ARPP21: variants seen among roughly 807,000 people sequenced by gnomAD.
ARPP21 encodes cAMP-regulated phosphoprotein 21.
In ARPP21, 69 loss-of-function variants were observed where a neutral mutation model predicts 113.2. The ratio of observed to expected loss-of-function variants is 0.61; its 90% CI spans 0.50 to 0.74. The LOEUF (loss-of-function observed/expected upper bound fraction) is 0.74. Ranked by LOEUF, ARPP21 falls within the 30% of genes least tolerant of loss-of-function variation. The pLI is 0.00. For synonymous variants in ARPP21, 368 were observed against 375.5 expected (o/e 0.98, Z 0.23); for missense variants, 1,070 against 1,037.4 (o/e 1.03, Z -0.43).
intron 5 of ARPP21, chr3:35,685,345 G>A: frequency 1.0e-6 from 1 of 985,316 alleles, no homozygotes; most frequent in Non-Finnish European, 1.2e-6. Context: ...GAGAGAATGA[G>A]AGCCTGCAAG....
At chr3:35,766,552 G>A (rs562667123) in intron 19 of ARPP21, among the ~76,000 whole-genome samples, 3 of 152,118 alleles carry the variant, frequency 2.0e-5, no homozygotes, top group South Asian at 2.1e-4. Context: ...CGTGCCAATT[G>A]CCTTCACTTG....
intron 9 of ARPP21, among the ~76,000 whole-genome samples, chr3:35,693,078 A>C (rs1272744780): frequency 6.6e-6 from 1 of 151,580 alleles, no homozygotes; most frequent in Non-Finnish European, 1.5e-5. Context: ...TTAAAAATAG[A>C]TGCCACATGT....
At chr3:35,694,165 G>C (rs1352133605) in intron 9 of ARPP21, among the ~76,000 whole-genome samples, 4 of 151,504 alleles carry the variant, frequency 2.6e-5, no homozygotes, top group African/African-American at 7.3e-5. Context: ...ACTTGAGAAG[G>C]TTGGGTTTTT....
chr3:35,646,306 TAGAG>T (rs1559504300), intron 1 of ARPP21, among the ~76,000 whole-genome samples: 1 of 152,166 alleles, frequency 6.6e-6, no homozygotes, highest in Non-Finnish European at 1.5e-5. Flanking sequence ...AGTTCTAACA[TAGAG>T]AGATAAAAAA....
chr3:35,713,684 A>G (rs912413301), intron 11 of ARPP21, among the ~76,000 whole-genome samples: 1 of 152,126 alleles, frequency 6.6e-6, no homozygotes, highest in Admixed American at 6.6e-5. Flanking sequence ...GTGAGCCACC[A>G]CTTTGGCATG....
intron 1 of ARPP21, among the ~76,000 whole-genome samples, chr3:35,661,215 A>T (rs2149146627): frequency 6.6e-6 from 1 of 152,316 alleles, no homozygotes; most frequent in Admixed American, 6.5e-5. Context: ...TACAAATCTC[A>T]GCCTTGTAAA....
At chr3:35,755,888 T>C (rs1399314017) in intron 19 of ARPP21, among the ~76,000 whole-genome samples, 1 of 152,132 alleles carries the variant, frequency 6.6e-6, no homozygotes, top group East Asian at 1.9e-4. Context: ...ACTTTAGTGG[T>C]ATTCCAATTT....
chr3:35,727,255 T>C (rs1322944970), intron 14 of ARPP21, among the ~76,000 whole-genome samples: 2 of 152,186 alleles, frequency 1.3e-5, no homozygotes, highest in South Asian at 2.1e-4. Context: ...AGTGGCAATG[T>C]GGGGTCGTGA....
At chr3:35,786,239 C>T (rs541449949) in intron 19 of ARPP21, among the ~76,000 whole-genome samples, 5 of 152,038 alleles carry the variant, frequency 3.3e-5, no homozygotes, top group Non-Finnish European at 7.4e-5. Flanking sequence ...AAAGGTTTTA[C>T]TTGGCCGGGC....
At chr3:35,705,819 T>C (rs1382788878) in intron 9 of ARPP21, among the ~76,000 whole-genome samples, 2 of 152,228 alleles carry the variant, frequency 1.3e-5, no homozygotes, top group East Asian at 1.9e-4. Flanking sequence ...ATTCCAGTTT[T>C]TTGCTATTGT....
chr3:35,772,308 C>T (rs530888221), intron 19 of ARPP21, among the ~76,000 whole-genome samples: 24 of 152,190 alleles, frequency 1.6e-4, no homozygotes, highest in African/African-American at 4.3e-4. Flanking sequence ...CCAAATTGTC[C>T]TAATAAAACA....
At chr3:35,688,999 T>C (rs2081452316) in intron 6 of ARPP21, among the ~76,000 whole-genome samples, 1 of 151,404 alleles carries the variant, frequency 6.6e-6, no homozygotes, top group South Asian at 2.1e-4. Context: ...CCTTGTTATT[T>C]ACAATGCAGA....
Position 35,768,401 on chromosome 3 carries a change from T to C in ARPP21, c.2138-23981T>C, listed in dbSNP as rs1432709598. ...GAAGATTTGGTCATTTTCAGAAATA[T>C]GGAACATTGGCTAACACGGACATAT... On this transcript the variant is annotated intron_variant, in intron 19 of 20. Coordinates refer to ENST00000684406, the MANE Select transcript of ARPP21 (RefSeq NM_001385562.1). 5.3e-5 allele frequency among the ~76,000 whole-genome samples: 8 copies of C among 152,230 alleles called. No individual in the cohort carries two copies. The South Asian group carries it at 8.3e-4, about 16-fold the overall frequency.
At chr3:35,746,296 C>T (rs2095043943) in intron 19 of ARPP21, among the ~76,000 whole-genome samples, 1 of 152,178 alleles carries the variant, frequency 6.6e-6, no homozygotes. Flanking sequence ...CACAGTGGCT[C>T]TTTGAGAGTG....
intron 19 of ARPP21, among the ~76,000 whole-genome samples, chr3:35,750,416 A>G (rs2095360022): frequency 1.3e-5 from 2 of 152,068 alleles, no homozygotes; most frequent in African/African-American, 4.8e-5. Context: ...TGATTCTGTG[A>G]TAGTTAAATA....
intron 19 of ARPP21, among the ~76,000 whole-genome samples, chr3:35,765,109 T>G (rs1219635815): frequency 6.6e-6 from 1 of 152,160 alleles, no homozygotes; most frequent in African/African-American, 2.4e-5. Context: ...GTAATTGAAC[T>G]TATATGGAAT....
In ARPP21 at chr3:35,729,393, C is replaced by T. The variant is rs2093784128; in HGVS notation, c.1316C>T (p.Ala439Val). ...LQSTPLVSGV[A>V]AGSPGCVPYP... ...AGCACACCCCTAGTCTCAGGTGTGGCAGCTGGCTCTCCAGGCTGTGTGCCT... is the reference window on the plus strand; with the variant it reads ...AGCACACCCCTAGTCTCAGGTGTGGTAGCTGGCTCTCCAGGCTGTGTGCCT... The change falls in exon 15 of 21, where the codon GCA (alanine) becomes GTA (valine). Residue 439 changes from alanine (A) to valine (V), a missense_variant. Ala to Val is a moderately conservative substitution (Grantham distance 64). Coordinates refer to ENST00000684406, the MANE Select transcript of ARPP21 (RefSeq NM_001385562.1). 1 of 1,614,204 alleles carries T rather than the reference C, an allele frequency of 6.2e-7. No homozygotes were observed. The highest frequency in any genetic ancestry group is 8.5e-7 in the Non-Finnish European group (1 of 1,180,042).
At chr3:35,714,868 C>T (rs920554441) in intron 11 of ARPP21, 4 of 151,822 alleles carry the variant, frequency 2.6e-5, no homozygotes, top group Non-Finnish European at 4.4e-5. Context: ...TTTTCATCCT[C>T]ACTTGTCTTC....
At chr3:35,655,520 A>G (rs1704443929) in intron 1 of ARPP21, among the ~76,000 whole-genome samples, 1 of 151,968 alleles carries the variant, frequency 6.6e-6, no homozygotes, top group African/African-American at 2.4e-5. Flanking sequence ...AAGATGATGA[A>G]TTTATTGTTT....
Sources: gnomAD v4.1 joint callset for allele counts (sites outside exome capture counted in the v4.1 genomes callset) on GRCh38, gnomAD v4.1.1 for gene constraint, MANE v1.5 for transcripts, NCBI Gene and HGNC (gene_info 2026-07-23, HGNC 2026-07-21) for gene names.